GRK3: variants seen among roughly 807,000 people sequenced by gnomAD.
GRK3 encodes adrenergic, beta, receptor kinase 2.
In GRK3, 54 loss-of-function variants were observed where a neutral mutation model predicts 95.7. The ratio of observed to expected loss-of-function variants is 0.56; its 90% confidence interval spans 0.45 to 0.71. GRK3 has a LOEUF of 0.71. Ranked by LOEUF, GRK3 falls within the 30% of genes least tolerant of loss-of-function variation. The pLI is 0.00. For synonymous variants in GRK3, 281 were observed against 290.8 expected, an observed-to-expected ratio of 0.97 and a Z score of 0.34; for missense variants, 649 against 851.2, an observed-to-expected ratio of 0.76 and a Z score of 2.96.
chr22:25,703,560 G>T lies in GRK3; in HGVS notation c.1211G>T (p.Arg404Leu). The T allele has an allele frequency of 1.9e-6, 3 of 1,612,486 alleles. No individual in the cohort carries two copies. In the South Asian group the frequency reaches 3.3e-5, roughly 18 times the overall value. Residue 404 changes from arginine to leucine, a missense_variant, in exon 14 of 21, where the codon CGA (arginine) becomes CTA (leucine). Physicochemically the swap from Arg to Leu is moderately radical, Grantham distance 102. This residue lies in a region of GRK3 where 382 missense variants were observed against 493.8 expected (regional missense o/e 0.77). Coordinates refer to ENST00000324198, the MANE Select transcript of GRK3 (RefSeq NM_005160.4). ...HKTKDKHEID[R>L]MTLTVNVELP... ...ACCAAAGACAAGCATGAAATTGACC[G>T]AATGACACTCACCGTGGTAAGGGGA...
At chr22:25,624,880 A>G (rs1416104370) in intron 2 of GRK3, among the ~76,000 whole-genome samples, 5 of 151,628 alleles carry the variant, frequency 3.3e-5, no homozygotes, top group Non-Finnish European at 5.9e-5. Flanking sequence ...TGTTATTTGC[A>G]GCATTTAATA....
intron 19 of GRK3, 82 bp from the exon 20 acceptor site, chr22:25,721,202 G>A (rs892358783): frequency 7.3e-6 from 5 of 683,194 alleles, no homozygotes; most frequent in Admixed American, 3.1e-5. Context: ...TTTTTTACTT[G>A]TTCTAACTTG....
intron 10 of GRK3, among the ~76,000 whole-genome samples, chr22:25,685,867 G>GT (rs146583867): frequency 0.017 from 2,387 of 136,714 alleles, 13 homozygotes; most frequent in Middle Eastern, 0.04. Context: ...CACATGCCTA[G>GT]TTTTTTTTTT....
intron 2 of GRK3, among the ~76,000 whole-genome samples, chr22:25,619,184 G>C (rs543062776): frequency 2.0e-5 from 3 of 152,150 alleles, no homozygotes; most frequent in African/African-American, 7.2e-5. Flanking sequence ...TTGGCTTCCA[G>C]GTTACCCATA....
chr22:25,620,555 C>T (rs2084577260), intron 2 of GRK3, among the ~76,000 whole-genome samples: 1 of 152,196 alleles, frequency 6.6e-6, no homozygotes, highest in African/African-American at 2.4e-5. Flanking sequence ...CTTCCCAAAA[C>T]TTTTCCTCCT....
At chr22:25,565,307 C>T (rs1931426107) in intron 1 of GRK3, among the ~76,000 whole-genome samples, 154 bp downstream of exon 1, 1 of 152,136 alleles carries the variant, frequency 6.6e-6, no homozygotes, top group Non-Finnish European at 1.5e-5. Context: ...CTCGTCGTTC[C>T]AGTCTCTGAA....
chr22:25,622,089 C>G (rs910477972), intron 2 of GRK3, among the ~76,000 whole-genome samples: 1 of 152,124 alleles, frequency 6.6e-6, no homozygotes, highest in African/African-American at 2.4e-5. Flanking sequence ...AGATCCCCAG[C>G]AGAAGAGAAT....
In GRK3 at chr22:25,724,154, C is replaced by A; in HGVS notation, c.*1704C>A. On this transcript the variant is annotated 3_prime_UTR_variant, in exon 21 of 21. Coordinates refer to ENST00000324198, the MANE Select transcript of GRK3 (RefSeq NM_005160.4). ...CACACACACACACACACACACACTCCAGAAGCAGAAAAGCCATTGTTCTTA... is the reference window on the plus strand; with the variant it reads ...CACACACACACACACACACACACTCAAGAAGCAGAAAAGCCATTGTTCTTA... 6.8e-6 allele frequency: 1 copy of A among 147,432 alleles called. No homozygotes were observed. The highest frequency in any genetic ancestry group is 1.9e-4 in the East Asian group (1 of 5,156). 9.1% of individuals were successfully genotyped at this position (147,432 alleles called of 1,614,324 possible).
intron 10 of GRK3, among the ~76,000 whole-genome samples, chr22:25,686,296 C>T (rs917533324): frequency 7.2e-5 from 11 of 151,974 alleles, no homozygotes; most frequent in African/African-American, 2.7e-4. Flanking sequence ...GCAAAAGAAG[C>T]CAAACACCAA....
rs575305103 is a variant in GRK3, at chr22:25,674,862, T to C, written c.647+334T>C. ...TACTCAGGAGGCTGAGGCAGGAGAA[T>C]GGCGTGAACCCGGGAGGCAGAGCTT... On this transcript the variant is annotated intron_variant, in intron 8 of 20. Transcript: ENST00000324198. 7.7e-3 allele frequency among the ~76,000 whole-genome samples: 1,171 copies of C among 152,056 alleles called. 11 individuals are homozygous for C. Among genetic ancestry groups the C allele is most frequent in the Middle Eastern group, 0.044 (13 of 294 alleles).
intron 3 of GRK3, among the ~76,000 whole-genome samples, chr22:25,655,457 T>G (rs1186512127): frequency 1.3e-5 from 2 of 152,154 alleles, no homozygotes; most frequent in African/African-American, 4.8e-5. Context: ...TATGGAAAAT[T>G]TCTACATTTT....
At chr22:25,699,276 C>G (rs906951684) in intron 13 of GRK3, among the ~76,000 whole-genome samples, 3 of 152,146 alleles carry the variant, frequency 2.0e-5, no homozygotes, top group African/African-American at 7.2e-5. Context: ...TGTCTTTTCT[C>G]AGGCACACGG....
chr22:25,610,117 C>T (rs2084485445), intron 2 of GRK3, among the ~76,000 whole-genome samples: 3 of 152,128 alleles, frequency 2.0e-5, no homozygotes, highest in Admixed American at 2.0e-4. Flanking sequence ...TCCCAAAGTG[C>T]TGGGATTACA....
intron 2 of GRK3, among the ~76,000 whole-genome samples, chr22:25,615,124 T>C (rs897477494): frequency 6.6e-6 from 1 of 152,200 alleles, no homozygotes; most frequent in African/African-American, 2.4e-5. Flanking sequence ...GTTATTCTCT[T>C]AGCCAAGAGG....
intron 2 of GRK3, among the ~76,000 whole-genome samples, chr22:25,613,910 T>G (rs528504402): frequency 1.3e-3 from 178 of 134,814 alleles, no homozygotes; most frequent in Non-Finnish European, 2.4e-3. Context: ...GGTTGTCTTC[T>G]TTTTTTTTTT....
At chr22:25,677,582 G>A (rs1428983143) in intron 8 of GRK3, among the ~76,000 whole-genome samples, 1 of 152,078 alleles carries the variant, frequency 6.6e-6, no homozygotes, top group Non-Finnish European at 1.5e-5. Context: ...CAATTGATTT[G>A]TTGTAAGAAC....
chr22:25,606,292 A>C (rs999036509), intron 2 of GRK3, among the ~76,000 whole-genome samples: 2 of 152,208 alleles, frequency 1.3e-5, no homozygotes, highest in Non-Finnish European at 2.9e-5. Context: ...GCTGAGTTTG[A>C]GCTTGGGAAG....
chr22:25,642,776 G>A (rs1031551434), intron 2 of GRK3, among the ~76,000 whole-genome samples: 1 of 152,156 alleles, frequency 6.6e-6, no homozygotes, highest in Non-Finnish European at 1.5e-5. Flanking sequence ...TTCCATCTGT[G>A]TTGCTGCAGA....
chr22:25,680,859 T>C (rs1159406751), intron 9 of GRK3, among the ~76,000 whole-genome samples: 2 of 152,156 alleles, frequency 1.3e-5, no homozygotes, highest in Non-Finnish European at 2.9e-5. Context: ...TAAGTGAAGC[T>C]TTTGATCAGA....
Sources: allele counts gnomAD v4.1 joint callset (sites outside exome capture counted in the v4.1 genomes callset), GRCh38; gene constraint gnomAD v4.1.1; regional missense constraint gnomAD v4.1.1; transcripts MANE v1.5; gene names NCBI Gene and HGNC (gene_info 2026-07-23, HGNC 2026-07-21).